Variants in SLIT2 observed in about 807,000 individuals in gnomAD.
SLIT2 encodes slit homolog 2 protein.
SLIT2 carries 41 observed loss-of-function variants against 185.7 expected under a neutral mutation model. The observed-to-expected ratio is 0.22, with a 90% CI of 0.17 to 0.29. The LOEUF is 0.29. Ranked by LOEUF, SLIT2 falls within the 10% of genes least tolerant of loss-of-function variation. The pLI, the probability that SLIT2 is intolerant of heterozygous loss-of-function variation, is 1.00. For missense variants in SLIT2, 1,571 were observed against 1,909.0 expected, an observed-to-expected ratio of 0.82 and a Z score of 3.30; for synonymous variants, 693 against 680.2, an observed-to-expected ratio of 1.02 and a Z score of -0.29.
In SLIT2 at chr4:20,524,143, T is replaced by A; in HGVS notation, c.1404T>A (p.Ile468=). 6.2e-7 allele frequency: 1 copy of A among 1,614,176 alleles called. No individual in the cohort carries two copies. Among genetic ancestry groups the A allele is most frequent in the Non-Finnish European group, 8.5e-7 (1 of 1,180,026 alleles). The change falls in exon 14 of 37, where the codon ATT becomes ATA. Residue 468 remains isoleucine (I), a synonymous_variant. Coordinates refer to ENST00000504154, the MANE Select transcript of SLIT2 (RefSeq NM_004787.4). ...CCCGCCGCCTGGCAAACAAAAGAAT[T>A]GGACAGATCAAAAGCAAGAAATTCC... ...TSPRRLANKR[I]GQIKSKKFRC...
intron 4 of SLIT2, among the ~76,000 whole-genome samples, chr4:20,351,645 T>C (rs551173597): frequency 1.3e-5 from 2 of 151,896 alleles, no homozygotes; most frequent in Admixed American, 6.6e-5. Flanking sequence ...GATCAGTGAG[T>C]GGGGAAGCAG....
At chr4:20,401,173 C>G (rs1726327885) in intron 4 of SLIT2, among the ~76,000 whole-genome samples, 1 of 151,832 alleles carries the variant, frequency 6.6e-6, no homozygotes, top group African/African-American at 2.4e-5. Flanking sequence ...TGAATAAAGT[C>G]TAAGTTGTTG....
At chr4:20,591,392 T>A (rs2148951080) in intron 30 of SLIT2, among the ~76,000 whole-genome samples, 1 of 152,280 alleles carries the variant, frequency 6.6e-6, no homozygotes, top group Non-Finnish European at 1.5e-5. Flanking sequence ...AATTAAATAT[T>A]TATTCTCAAG....
At chr4:20,472,276 C>CTATATAGA (rs1715191028) in intron 5 of SLIT2, among the ~76,000 whole-genome samples, 3 of 21,662 alleles carry the variant, frequency 1.4e-4, no homozygotes, top group Non-Finnish European at 2.1e-4. Flanking sequence ...AGATATATAT[C>CTATATAGA]TATATATATA....
chr4:20,461,029 A>G (rs938464160), intron 4 of SLIT2, among the ~76,000 whole-genome samples: 1 of 152,226 alleles, frequency 6.6e-6, no homozygotes, highest in Non-Finnish European at 1.5e-5. Flanking sequence ...ATATGAGTTC[A>G]TCTTACAGAT....
intron 4 of SLIT2, among the ~76,000 whole-genome samples, chr4:20,408,666 C>T (rs1186303758): frequency 6.6e-6 from 1 of 152,132 alleles, no homozygotes; most frequent in Non-Finnish European, 1.5e-5. Context: ...CTATCTCACT[C>T]ATTGTGGAAA....
At chr4:20,263,150 G>A (rs1040848662) in intron 3 of SLIT2, among the ~76,000 whole-genome samples, 1 of 151,546 alleles carries the variant, frequency 6.6e-6, no homozygotes, top group African/African-American at 2.4e-5. Context: ...CTTGAATTGT[G>A]TCTTCTAGAC....
At chr4:20,422,253 G>A (rs1485209396) in intron 4 of SLIT2, among the ~76,000 whole-genome samples, 1 of 152,130 alleles carries the variant, frequency 6.6e-6, no homozygotes, top group African/African-American at 2.4e-5. Context: ...ACTTTTAGTA[G>A]AGAAGTCAAG....
At chr4:20,394,760 A>T (rs1388513506) in intron 4 of SLIT2, 1 of 152,156 alleles carries the variant, frequency 6.6e-6, no homozygotes, top group Non-Finnish European at 1.5e-5. Flanking sequence ...AACAGCTTTC[A>T]AAATCTATTC....
chr4:20,261,881 T>G (rs1384115671), intron 3 of SLIT2, among the ~76,000 whole-genome samples: 1 of 151,810 alleles, frequency 6.6e-6, no homozygotes, highest in Admixed American at 6.6e-5. Flanking sequence ...TGTTCATCTT[T>G]TCCCACCAAT....
chr4:20,475,745 A>G (rs1313252262), intron 5 of SLIT2, among the ~76,000 whole-genome samples: 1 of 152,070 alleles, frequency 6.6e-6, no homozygotes, highest in East Asian at 1.9e-4. Flanking sequence ...ACCACTTTTG[A>G]TTAGTTCACT....
chr4:20,270,038 C>A (rs1560270547), intron 4 of SLIT2, among the ~76,000 whole-genome samples: 1 of 151,862 alleles, frequency 6.6e-6, no homozygotes. Flanking sequence ...GTGTTCCCTG[C>A]TGCTCAATTG....
Position 20,307,152 on chromosome 4 carries a change from C to G in SLIT2, c.395+38271C>G, listed in dbSNP as rs1208295369. ...CCTCCCTTCCTCCCTCCCTCCCTCC[C>G]TCCCTCCCTCCTTCCTTCCTTCCTT... On this transcript the variant is annotated intron_variant, in intron 4 of 36. Transcript: ENST00000504154. Among the ~76,000 whole-genome samples, 34 of 16,692 alleles carry G rather than the reference C, an allele frequency of 2.0e-3. 1 individual carries two copies. Among genetic ancestry groups the G allele is most frequent in the African/African-American group, 6.1e-3 (31 of 5,050 alleles). 11.0% of individuals were successfully genotyped at this position (16,692 alleles called of 152,430 possible).
chr4:20,381,905 A>G (rs578135032), intron 4 of SLIT2, among the ~76,000 whole-genome samples: 114 of 130,102 alleles, frequency 8.8e-4, no homozygotes, highest in African/African-American at 2.6e-3. Context: ...TACATAATAC[A>G]TATGTATTTG....
intron 12 of SLIT2, among the ~76,000 whole-genome samples, chr4:20,520,400 C>T (rs1269156335): frequency 6.6e-6 from 1 of 152,116 alleles, no homozygotes; most frequent in African/African-American, 2.4e-5. Flanking sequence ...CATCAGAGGA[C>T]CTCATTTGGG....
intron 9 of SLIT2, among the ~76,000 whole-genome samples, chr4:20,496,524 C>G (rs1326400158): frequency 6.6e-6 from 1 of 152,196 alleles, no homozygotes; most frequent in Non-Finnish European, 1.5e-5. Context: ...TTTTCTCCAA[C>G]AGGCCTCATT....
At chr4:20,507,079 A>C (rs979949192) in intron 9 of SLIT2, among the ~76,000 whole-genome samples, 1 of 152,026 alleles carries the variant, frequency 6.6e-6, no homozygotes, top group African/African-American at 2.4e-5. Context: ...TCCTTGGTAC[A>C]TTGCAATAAC....
At chr4:20,278,475 C>A (rs1714392176) in intron 4 of SLIT2, among the ~76,000 whole-genome samples, 1 of 151,922 alleles carries the variant, frequency 6.6e-6, no homozygotes, top group Admixed American at 6.6e-5. Context: ...AAACTTTCCT[C>A]ATTTTTTTTA....
intron 4 of SLIT2, among the ~76,000 whole-genome samples, chr4:20,433,787 T>G (rs945645975): frequency 6.6e-6 from 1 of 152,186 alleles, no homozygotes; most frequent in Non-Finnish European, 1.5e-5. Context: ...CGTAATTAAC[T>G]CACACATGCT....
Sources: gnomAD v4.1 joint callset for allele counts (sites outside exome capture counted in the v4.1 genomes callset) on GRCh38, gnomAD v4.1.1 for gene constraint, MANE v1.5 for transcripts, NCBI Gene and HGNC (gene_info 2026-07-23, HGNC 2026-07-21) for gene names.